The following DAAM1 variants were observed in gnomAD, a reference collection of about 807,000 sequenced individuals.
DAAM1 encodes the protein dishevelled associated activator of morphogenesis 1, also known as disheveled-associated activator of morphogenesis 1.
In DAAM1, 52 loss-of-function variants were observed where a neutral mutation model predicts 130.0. The observed-to-expected ratio is 0.40, with a 90% CI of 0.32 to 0.50. The LOEUF (loss-of-function observed/expected upper bound fraction) is 0.50, where lower values mean the gene tolerates loss of function less well. Among genes scored for constraint, DAAM1 ranks in the 20% least tolerant of loss-of-function variants. The pLI, the probability that DAAM1 is intolerant of heterozygous loss-of-function variation, is 0.61. For missense variants in DAAM1, 1,134 were observed against 1,303.8 expected (o/e 0.87, Z 2.01); for synonymous variants, 452 against 444.5 (o/e 1.02, Z -0.21).
Position 59,331,381 on chromosome 14 carries a change from C to G in DAAM1, c.1733C>G (p.Pro578Arg). ...CCTCCAGGTGGCCCTCCTCCTCCCC[C>G]AGGGCCTCCTCCCTTAGGGGCAATC... is the stretch of plus-strand genomic sequence containing the variant. ...PLPPGGPPPP[P>R]GPPPLGAIMP... Residue 578 changes from proline (P) to arginine (R), a missense_variant, in exon 14 of 25, where the codon CCA (proline) becomes CGA (arginine). Transcript: ENST00000360909. 6.2e-7 allele frequency: 1 copy of G among 1,613,444 alleles called. No individual in the cohort carries two copies. Among genetic ancestry groups the G allele is most frequent in the Admixed American group, 1.7e-5 (1 of 60,010 alleles).
In DAAM1 at chr14:59,257,005, A is replaced by G. The variant is rs115028079; in HGVS notation, c.-37-6436A>G. Reference sequence around the variant, plus strand: ...GGCACTTACTTGGGAATGAGTTGAAAAACTATGCACCAGCTAGTTTGGCCA... The same window carrying G: ...GGCACTTACTTGGGAATGAGTTGAAGAACTATGCACCAGCTAGTTTGGCCA... On this transcript the variant is annotated intron_variant, in intron 1 of 24. Coordinates refer to ENST00000360909, the MANE Select transcript of DAAM1 (RefSeq NM_001270520.2). Among the ~76,000 whole-genome samples the G allele has an allele frequency of 4.0e-3, 602 of 152,322 alleles. 3 individuals are homozygous for G. Among genetic ancestry groups the G allele is most frequent in the African/African-American group, 0.013 (559 of 41,560 alleles).
At chr14:59,212,300 T>C (rs1888449471) in intron 1 of DAAM1, among the ~76,000 whole-genome samples, 1 of 151,210 alleles carries the variant, frequency 6.6e-6, no homozygotes, top group Admixed American at 6.6e-5. Context: ...AAGTCAGACT[T>C]GTTTGTTTGT....
intron 2 of DAAM1, chr14:59,264,273 T>A (rs987512570): frequency 1.3e-5 from 2 of 155,286 alleles, no homozygotes; most frequent in African/African-American, 4.8e-5. Context: ...GCAGGACCCA[T>A]TCATCAAGAG....
chr14:59,276,326 A>G lies in DAAM1; in HGVS notation c.183+12666A>G, dbSNP rs558887794. ...TTTGCTGCCAAAGCATCACCCTTCA[A>G]TCTGCCATTAGCTTCTTCCTCTTGA... On this transcript the variant is annotated intron_variant, in intron 2 of 24. Coordinates refer to ENST00000360909, the MANE Select transcript of DAAM1 (RefSeq NM_001270520.2). Among the ~76,000 whole-genome samples, 11 of 152,274 alleles carry G rather than the reference A, an allele frequency of 7.2e-5. No individual in the cohort carries two copies. The East Asian group carries it at 9.7e-4, about 13-fold the overall frequency.
chr14:59,270,946 C>G (rs1453073971), intron 2 of DAAM1, among the ~76,000 whole-genome samples: 1 of 152,140 alleles, frequency 6.6e-6, no homozygotes, highest in Non-Finnish European at 1.5e-5. Flanking sequence ...GTATTATAGT[C>G]AGTCTCACCT....
intron 2 of DAAM1, among the ~76,000 whole-genome samples, chr14:59,289,784 A>ATATATATATATATATACATAT: frequency 1.6e-5 from 2 of 128,766 alleles, no homozygotes; most frequent in African/African-American, 5.7e-5. Flanking sequence ...ATATATATAT[A>ATATATATATATATATACATAT]ATGGAATGCT....
intron 3 of DAAM1, among the ~76,000 whole-genome samples, chr14:59,292,263 A>G (rs1339307658): frequency 6.6e-6 from 1 of 152,226 alleles, no homozygotes; most frequent in African/African-American, 2.4e-5. Context: ...ACCCAGGGAA[A>G]CAGGAACAAA....
chr14:59,345,838 AG>A (rs1886056752), intron 16 of DAAM1, among the ~76,000 whole-genome samples: 1 of 152,302 alleles, frequency 6.6e-6, no homozygotes, highest in African/African-American at 2.4e-5. Flanking sequence ...TAGTACTCCC[AG>A]GCCTCATGGG....
chr14:59,225,653 C>A (rs760672347), intron 1 of DAAM1, among the ~76,000 whole-genome samples: 2 of 152,156 alleles, frequency 1.3e-5, no homozygotes, highest in Non-Finnish European at 2.9e-5. Context: ...CAGGGTGGTG[C>A]AGTAGAGTGC....
At chr14:59,324,057 G>C in intron 6 of DAAM1, 71 bp from the exon 7 acceptor site, 1 of 1,047,448 alleles carries the variant, frequency 9.5e-7, no homozygotes, top group Non-Finnish European at 1.3e-6. Context: ...TAACTTTTGA[G>C]TATAAAAAAA....
At chr14:59,309,081 A>G (rs1261675548) in intron 3 of DAAM1, among the ~76,000 whole-genome samples, 1 of 152,242 alleles carries the variant, frequency 6.6e-6, no homozygotes. Context: ...GATATAGAAT[A>G]TAGTTTTGCT....
At chr14:59,243,219 G>A in intron 1 of DAAM1, among the ~76,000 whole-genome samples, 1 of 152,160 alleles carries the variant, frequency 6.6e-6, no homozygotes, top group East Asian at 1.9e-4. Flanking sequence ...ATCTGGTTTT[G>A]TATTTACCGA....
intron 3 of DAAM1, among the ~76,000 whole-genome samples, chr14:59,295,810 C>T (rs576106941): frequency 6.6e-6 from 1 of 152,300 alleles, no homozygotes; most frequent in African/African-American, 2.4e-5. Flanking sequence ...GGAAGGGAAG[C>T]AGTGGCTGGG....
intron 19 of DAAM1, 62 bp from the exon 20 acceptor site, chr14:59,355,103 A>G: frequency 6.4e-7 from 1 of 1,570,546 alleles, no homozygotes; most frequent in South Asian, 1.2e-5. Context: ...TATCACTGAA[A>G]CATCTTGATT....
chr14:59,356,636 G>C (rs1418014184), intron 20 of DAAM1, among the ~76,000 whole-genome samples: 1 of 152,190 alleles, frequency 6.6e-6, no homozygotes, highest in Non-Finnish European at 1.5e-5. Flanking sequence ...CTTATTTGGA[G>C]GTTGAAGTAG....
At chr14:59,319,259 C>T (rs8003885) in intron 4 of DAAM1, among the ~76,000 whole-genome samples, 6,321 of 152,028 alleles carry the variant, frequency 0.042, 434 homozygotes, top group African/African-American at 0.15. Flanking sequence ...TTTTAAAGAC[C>T]GAAAAAACTA....
chr14:59,314,107 G>A (rs1007886433), intron 3 of DAAM1, among the ~76,000 whole-genome samples: 2 of 152,022 alleles, frequency 1.3e-5, no homozygotes, highest in Non-Finnish European at 2.9e-5. Flanking sequence ...GTGTTTTTTC[G>A]AGGCACAGTA....
intron 2 of DAAM1, chr14:59,265,445 C>G (rs140123909): frequency 6.6e-5 from 10 of 152,170 alleles, no homozygotes; most frequent in African/African-American, 9.7e-5. Context: ...AACCTGCCCC[C>G]CAAAGATCTG....
In DAAM1 at chr14:59,320,603, G is replaced by T; in HGVS notation, c.440+19G>T. The T allele has an allele frequency of 6.6e-7, 1 of 1,509,526 alleles. No homozygotes were observed. The highest frequency in any genetic ancestry group is 8.8e-7 in the Non-Finnish European group (1 of 1,132,360). 93.5% of individuals were successfully genotyped at this position (1,509,526 alleles called of 1,614,324 possible). On this transcript the variant is annotated intron_variant, in intron 5 of 24. Coordinates refer to ENST00000360909, the MANE Select transcript of DAAM1 (RefSeq NM_001270520.2). ...CAATGAGGTAATTTTCCCCTGGATG[G>T]CATGTTTTTTTTTTTTCTCTCCTTC...
Sources: gnomAD v4.1 joint callset for allele counts (sites outside exome capture counted in the v4.1 genomes callset) on GRCh38, gnomAD v4.1.1 for gene constraint, MANE v1.5 for transcripts, NCBI Gene and HGNC (gene_info 2026-07-23, HGNC 2026-07-21) for gene names.